The following CCSER2 variants were observed in gnomAD, a reference collection of about 807,000 sequenced individuals.
The protein encoded by CCSER2 is serine-rich coiled-coil domain-containing protein 2.
Under a neutral mutation model 92.3 loss-of-function variants are expected in CCSER2, and 46 were observed. The observed-to-expected ratio is 0.50, with a 90% CI of 0.39 to 0.64. CCSER2 has a LOEUF of 0.64. Among genes scored for constraint, CCSER2 ranks in the 30% least tolerant of loss-of-function variants. The pLI is 0.00. For synonymous variants in CCSER2, 433 were observed against 431.4 expected (o/e 1.00, Z -0.04); for missense variants, 1,244 against 1,238.9 (o/e 1.00, Z -0.06).
chr10:84,335,679 A>G (rs944946040), intron 1 of CCSER2, among the ~76,000 whole-genome samples: 135 of 152,338 alleles, frequency 8.9e-4, no homozygotes, highest in Non-Finnish European at 2.1e-4. Context: ...GCTAGGGACA[A>G]AGAAGCAAGA....
chr10:84,450,955 G>A (rs953759094), intron 6 of CCSER2, among the ~76,000 whole-genome samples: 2 of 152,188 alleles, frequency 1.3e-5, no homozygotes, highest in African/African-American at 4.8e-5. Flanking sequence ...AGTGTATGGT[G>A]TGTATCTACA....
chr10:84,377,822 AT>A lies in CCSER2; in HGVS notation c.1614+4008del, dbSNP rs144148613. On this transcript the variant is annotated intron_variant, in intron 3 of 9. Coordinates refer to ENST00000372088, the MANE Select transcript of CCSER2 (RefSeq NM_001284240.2). ...TGTACTTTTCTATAAAATGTTATGC[AT>A]GTTTGATTTTGACACTGTAAGTGGT... Among the ~76,000 whole-genome samples, 19 of 152,310 alleles carry A rather than the reference AT, an allele frequency of 1.2e-4. No individual in the cohort carries two copies. In the East Asian group the frequency reaches 3.7e-3, roughly 29 times the overall value.
At chr10:84,512,484 A>G (rs1849415727) in intron 9 of CCSER2, among the ~76,000 whole-genome samples, 1 of 151,208 alleles carries the variant, frequency 6.6e-6, no homozygotes, top group African/African-American at 2.4e-5. Context: ...CTGCCCATAT[A>G]TTTTAACTAT....
chr10:84,361,646 C>CTT (rs540444252), intron 1 of CCSER2, among the ~76,000 whole-genome samples: 1 of 144,858 alleles, frequency 6.9e-6, no homozygotes, highest in East Asian at 2.0e-4. Context: ...TAACATTTTT[C>CTT]TTTTTTTTTT....
intron 6 of CCSER2, chr10:84,452,358 A>G (rs1845343595): frequency 6.6e-6 from 1 of 152,220 alleles, no homozygotes; most frequent in Non-Finnish European, 1.5e-5. Flanking sequence ...TGGAAGAATT[A>G]TAGTATTAGA....
chr10:84,355,478 G>A lies in CCSER2; in HGVS notation c.-39-15536G>A, dbSNP rs146829599. 1.1e-4 allele frequency among the ~76,000 whole-genome samples: 16 copies of A among 152,204 alleles called. No individual in the cohort carries two copies. The East Asian group carries it at 3.1e-3, about 29-fold the overall frequency. On this transcript the variant is annotated intron_variant, in intron 1 of 9. Transcript: ENST00000372088. ...TTGCCTCCTCTACGAAGCCATTTAT[G>A]TTATCCCTCTCTCCCAGTTAAGCAC... is the stretch of plus-strand genomic sequence containing the variant.
intron 9 of CCSER2, among the ~76,000 whole-genome samples, chr10:84,484,992 G>A (rs762675639): frequency 6.6e-6 from 1 of 152,122 alleles, no homozygotes; most frequent in Non-Finnish European, 1.5e-5. Flanking sequence ...ACCTAAATCT[G>A]TATTTTTCAA....
intron 9 of CCSER2, among the ~76,000 whole-genome samples, chr10:84,486,085 A>G (rs1341256277): frequency 6.6e-6 from 1 of 152,076 alleles, no homozygotes; most frequent in Admixed American, 6.6e-5. Context: ...ATCCTTTTTT[A>G]TGGCTGCATA....
At chr10:84,359,335 T>A (rs1845373120) in intron 1 of CCSER2, among the ~76,000 whole-genome samples, 1 of 152,080 alleles carries the variant, frequency 6.6e-6, no homozygotes, top group Admixed American at 6.6e-5. Context: ...TAAAAAATGT[T>A]TAGTTGATTT....
intron 1 of CCSER2, among the ~76,000 whole-genome samples, chr10:84,367,640 G>C (rs1050741739): frequency 1.3e-5 from 2 of 151,064 alleles, no homozygotes; most frequent in Admixed American, 1.3e-4. Flanking sequence ...TAGCCTCCTC[G>C]ATATACTCTT....
Position 84,391,696 on chromosome 10 carries a change from G to A in CCSER2, c.1614+17881G>A, listed in dbSNP as rs181673870. 2.4e-5 allele frequency: 36 copies of A among 1,520,038 alleles called. No individual in the cohort carries two copies. The Admixed American group carries it at 5.4e-4, about 23-fold the overall frequency. The allele number at this position is 1,520,038 out of a possible 1,614,324, so 94.2% of individuals were successfully genotyped here. Reference sequence around the variant, plus strand: ...CATTGTTAGAGAATACAGCAATAACGATTGGTCGTCTTGGTTACGTGTGTC... The same window carrying A: ...CATTGTTAGAGAATACAGCAATAACAATTGGTCGTCTTGGTTACGTGTGTC... On this transcript the variant is annotated intron_variant, in intron 3 of 9. Coordinates refer to ENST00000372088, the MANE Select transcript of CCSER2 (RefSeq NM_001284240.2).
At chr10:84,377,816 T>A (rs1054423573) in intron 3 of CCSER2, among the ~76,000 whole-genome samples, 4 of 152,200 alleles carry the variant, frequency 2.6e-5, no homozygotes, top group African/African-American at 9.6e-5. Flanking sequence ...CTATAAAATG[T>A]TATGCATGTT....
intron 6 of CCSER2, among the ~76,000 whole-genome samples, chr10:84,457,581 TTATATATAATTATATATTTATATATTATA>T (rs1179124933): frequency 0.024 from 303 of 12,598 alleles, 1 homozygote; most frequent in Non-Finnish European, 0.041. Context: ...TATTTATATA[TTATATATAATTATATATTTATATATTATA>T]TATAATTATA....
chr10:84,386,366 T>C (rs1038061508), intron 3 of CCSER2, among the ~76,000 whole-genome samples: 1 of 152,270 alleles, frequency 6.6e-6, no homozygotes, highest in East Asian at 1.9e-4. Context: ...TAGTAGTTGA[T>C]TGGATAAAGA....
chr10:84,371,889 A>T lies in CCSER2; in HGVS notation c.837A>T (p.Val279=), dbSNP rs758506881. ...CAAGAAATTCCCGGCAGCCAGAAGT[A>T]CTCAATGGGAATGAACATTTGGGGT... ...MLTRNSRQPE[V]LNGNEHLGYG... The change falls in exon 2 of 10, where the codon GTA becomes GTT. Residue 279 remains valine, a synonymous_variant. Coordinates refer to ENST00000372088, the MANE Select transcript of CCSER2 (RefSeq NM_001284240.2). 29 of 1,613,674 alleles carry T rather than the reference A, an allele frequency of 1.8e-5. No individual in the cohort carries two copies. The highest frequency in any genetic ancestry group is 5.0e-5 in the Admixed American group (3 of 59,972).
intron 9 of CCSER2, among the ~76,000 whole-genome samples, chr10:84,486,125 T>C (rs1847794239): frequency 6.6e-6 from 1 of 152,216 alleles, no homozygotes; most frequent in Admixed American, 6.5e-5. Flanking sequence ...TGCCACATTT[T>C]CTTAATCCAG....
At chr10:84,455,782 A>G in intron 6 of CCSER2, 1 of 1,112,280 alleles carries the variant, frequency 9.0e-7, no homozygotes, top group Non-Finnish European at 1.4e-6. Flanking sequence ...CAGTTAAGGT[A>G]ATGTAGATTT....
chr10:84,339,321 T>C (rs1413312656), intron 1 of CCSER2, among the ~76,000 whole-genome samples: 1 of 151,760 alleles, frequency 6.6e-6, no homozygotes, highest in Admixed American at 6.6e-5. Context: ...GGGATTCTAA[T>C]GCACATGTGA....
At chr10:84,396,603 T>C (rs545083571) in intron 3 of CCSER2, among the ~76,000 whole-genome samples, 7 of 152,242 alleles carry the variant, frequency 4.6e-5, no homozygotes, top group African/African-American at 1.7e-4. Flanking sequence ...TTCATAGAGA[T>C]CTTCCCTTTT....
Sources: allele counts gnomAD v4.1 joint callset (sites outside exome capture counted in the v4.1 genomes callset), GRCh38; gene constraint gnomAD v4.1.1; transcripts MANE v1.5; gene names NCBI Gene and HGNC (gene_info 2026-07-23, HGNC 2026-07-21).